Variants in KLHL8 observed in about 807,000 individuals in gnomAD.
The protein encoded by KLHL8 is kelch like family member 8.
Under a neutral mutation model 63.5 loss-of-function variants are expected in KLHL8, and 38 were observed. That is an observed-to-expected ratio of 0.60 (90% CI 0.46 to 0.78). KLHL8 has a LOEUF of 0.78. Among genes scored for constraint, KLHL8 ranks in the 30% least tolerant of loss-of-function variants. The pLI, the probability that KLHL8 is intolerant of heterozygous loss-of-function variation, is 0.00. For missense variants in KLHL8, 566 were observed against 752.4 expected (o/e 0.75, Z 2.90); for synonymous variants, 224 against 254.3 (o/e 0.88, Z 1.13).
intron 3 of KLHL8, among the ~76,000 whole-genome samples, chr4:87,184,205 C>A (rs893615906): frequency 3.3e-5 from 5 of 152,188 alleles, no homozygotes; most frequent in African/African-American, 1.2e-4. Context: ...ATGAAACTTT[C>A]TATTTGCTTT....
In KLHL8 at chr4:87,163,253, C is replaced by A; in HGVS notation, c.*266G>T. ...TCAAGATTTTTGGCACTACTTTAAGCATTTTTCAGGGTAGGTATGATTTTA... is the reference window on the plus strand; with the variant it reads ...TCAAGATTTTTGGCACTACTTTAAGAATTTTTCAGGGTAGGTATGATTTTA... On this transcript the variant is annotated 3_prime_UTR_variant, in exon 10 of 10. Transcript: ENST00000273963. 1 of 251,498 alleles carries A rather than the reference C, an allele frequency of 4.0e-6. No homozygotes were observed. Among genetic ancestry groups the A allele is most frequent in the Non-Finnish European group, 7.6e-6 (1 of 132,094 alleles). The allele number at this position is 251,498 out of a possible 1,614,324, so 15.6% of individuals were successfully genotyped here.
At chr4:87,207,651 T>C (rs1578395151) in intron 1 of KLHL8, 2 of 1,175,850 alleles carry the variant, frequency 1.7e-6, no homozygotes, top group South Asian at 1.2e-5. Flanking sequence ...AGACTGTGGA[T>C]GGCCCCTCTG....
At chr4:87,173,959 AT>A (rs566159932) in intron 6 of KLHL8, among the ~76,000 whole-genome samples, 57 of 149,460 alleles carry the variant, frequency 3.8e-4, no homozygotes, top group South Asian at 8.4e-4. Context: ...ATGTCTTCAC[AT>A]TTTTTTTTAA....
chr4:87,195,117 A>C (rs76178883), intron 2 of KLHL8, among the ~76,000 whole-genome samples: 118 of 152,348 alleles, frequency 7.7e-4, no homozygotes, highest in African/African-American at 2.8e-3. Context: ...ACATTAAATT[A>C]GTACAATAAT....
chr4:87,214,656 C>T (rs1732532116), intron 1 of KLHL8, among the ~76,000 whole-genome samples: 1 of 151,814 alleles, frequency 6.6e-6, no homozygotes, highest in Admixed American at 6.6e-5. Context: ...AGCCCAAGCT[C>T]TTATCACTAG....
At chr4:87,213,682 T>G (rs890409529) in intron 1 of KLHL8, among the ~76,000 whole-genome samples, 1 of 152,240 alleles carries the variant, frequency 6.6e-6, no homozygotes, top group African/African-American at 2.4e-5. Flanking sequence ...TGTGTTCCAA[T>G]AAAACTTTGT....
At chr4:87,226,828 T>C (rs1328110192) in intron 1 of KLHL8, among the ~76,000 whole-genome samples, 1 of 9,868 alleles carries the variant, frequency 1.0e-4, no homozygotes, top group Non-Finnish European at 1.5e-4. Context: ...ATATATATTA[T>C]TTATAAATAA....
At chr4:87,190,905 A>G (rs1308771138) in intron 2 of KLHL8, among the ~76,000 whole-genome samples, 1 of 152,158 alleles carries the variant, frequency 6.6e-6, no homozygotes, top group Non-Finnish European at 1.5e-5. Flanking sequence ...ATGTCTAAAT[A>G]CAATTTTAAT....
At chr4:87,207,488 T>C in intron 1 of KLHL8, 1 of 785,784 alleles carries the variant, frequency 1.3e-6, no homozygotes, top group South Asian at 1.4e-5. Flanking sequence ...GTGATGGGCA[T>C]GAACCATGAG....
At chr4:87,198,102 T>C (rs2110018545) in intron 1 of KLHL8, among the ~76,000 whole-genome samples, 1 of 150,734 alleles carries the variant, frequency 6.6e-6, no homozygotes, top group Non-Finnish European at 1.5e-5. Flanking sequence ...GTGGCTCACC[T>C]GAGGTCAGGA....
chr4:87,236,619 A>G (rs1303284665), intron 1 of KLHL8, among the ~76,000 whole-genome samples: 2 of 146,576 alleles, frequency 1.4e-5, no homozygotes, highest in African/African-American at 5.1e-5. Flanking sequence ...ACTTTTATTC[A>G]TTGCGTACCT....
chr4:87,192,913 T>A (rs183273924), intron 2 of KLHL8, among the ~76,000 whole-genome samples: 3 of 152,128 alleles, frequency 2.0e-5, no homozygotes, highest in East Asian at 1.9e-4. Flanking sequence ...GTATTTTTTT[T>A]AAAGTACACC....
At chr4:87,169,537 A>C (rs554918495) in intron 8 of KLHL8, among the ~76,000 whole-genome samples, 1 of 152,314 alleles carries the variant, frequency 6.6e-6, no homozygotes, top group African/African-American at 2.4e-5. Flanking sequence ...AACATGAAAG[A>C]TGAAGATTTA....
chr4:87,182,623 G>A (rs148253469), intron 4 of KLHL8, among the ~76,000 whole-genome samples: 10 of 151,962 alleles, frequency 6.6e-5, no homozygotes, highest in East Asian at 3.9e-4. Context: ...AAAAAGAAGC[G>A]AACATGAACT....
At chr4:87,182,769 C>T (rs1020174228) in intron 4 of KLHL8, among the ~76,000 whole-genome samples, 1 of 152,098 alleles carries the variant, frequency 6.6e-6, no homozygotes, top group Admixed American at 6.6e-5. Context: ...ATGTTTAGTG[C>T]CCTTTTTATT....
chr4:87,208,767 CT>C (rs374056373), intron 1 of KLHL8, among the ~76,000 whole-genome samples: 37 of 152,306 alleles, frequency 2.4e-4, no homozygotes, highest in African/African-American at 7.5e-4. Flanking sequence ...TGACCATATA[CT>C]TTTCCCCCTT....
chr4:87,224,134 T>G (rs368886124), upstream of KLHL8, among the ~76,000 whole-genome samples: 4 of 152,302 alleles, frequency 2.6e-5, no homozygotes, highest in East Asian at 5.8e-4. Flanking sequence ...CGATCTTGGC[T>G]TACTGCAACC....
At chr4:87,229,650 T>C (rs544803277) in intron 1 of KLHL8, among the ~76,000 whole-genome samples, 7 of 151,924 alleles carry the variant, frequency 4.6e-5, no homozygotes, top group African/African-American at 1.7e-4. Context: ...CAGGCTGGTG[T>C]CGGACTCCTA....
At chr4:87,183,748 T>C (rs1003576676) in intron 3 of KLHL8, among the ~76,000 whole-genome samples, 31 of 152,348 alleles carry the variant, frequency 2.0e-4, no homozygotes, top group African/African-American at 7.0e-4. Flanking sequence ...GGCCCTTCTA[T>C]TGATAAAGGC....
Sources: gnomAD v4.1 joint callset for allele counts (sites outside exome capture counted in the v4.1 genomes callset) on GRCh38, gnomAD v4.1.1 for gene constraint, MANE v1.5 for transcripts, NCBI Gene and HGNC (gene_info 2026-07-23, HGNC 2026-07-21) for gene names.